Variants in ZNF710 observed in about 807,000 individuals in gnomAD.
The protein encoded by ZNF710 is zinc finger protein 710.
A neutral mutation model predicts 50.6 loss-of-function variants in ZNF710; 13 were observed. The ratio of observed to expected loss-of-function variants is 0.26; its 90% confidence interval spans 0.17 to 0.41. ZNF710 has a LOEUF of 0.41. Ranked by LOEUF, ZNF710 falls within the 10% of genes least tolerant of loss-of-function variation. ZNF710 has a pLI of 1.00. For synonymous variants in ZNF710, 383 were observed against 397.0 expected, an observed-to-expected ratio of 0.96 and a Z score of 0.42; for missense variants, 721 against 936.6, an observed-to-expected ratio of 0.77 and a Z score of 3.01.
chr15:90,024,019 G>A (rs1161948521), intron 1 of ZNF710, among the ~76,000 whole-genome samples: 1 of 151,978 alleles, frequency 6.6e-6, no homozygotes, highest in African/African-American at 2.4e-5. Flanking sequence ...ATGCTTGAAG[G>A]TGGCAACCCA....
At chr15:90,077,671 C>T (rs961384637) in intron 4 of ZNF710, among the ~76,000 whole-genome samples, 10 of 152,192 alleles carry the variant, frequency 6.6e-5, no homozygotes, top group East Asian at 1.9e-4. Flanking sequence ...TTATAAAGTC[C>T]GGAAGACTCA....
rs553009588 is a variant in ZNF710 at position 90,059,485 on chromosome 15, C to T, written c.-28-7625C>T. On this transcript the variant is annotated intron_variant, in intron 1 of 4. Transcript: ENST00000268154. The surrounding 1 kb of genome is among the most constrained non-coding windows in gnomAD (Gnocchi z 4.1). ...ACAGGGCCGGGTATGGTGCGCATCA[C>T]GGGGGTTTGTGGGTTGGTGGCCCTG... Among the ~76,000 whole-genome samples the T allele has an allele frequency of 7.4e-4, 112 of 152,284 alleles. No individual in the cohort carries two copies. The highest frequency in any genetic ancestry group is 2.6e-3 in the African/African-American group (109 of 41,558).
intron 1 of ZNF710, among the ~76,000 whole-genome samples, chr15:90,028,305 G>A (rs185058450): frequency 4.6e-5 from 7 of 152,226 alleles, no homozygotes; most frequent in East Asian, 3.9e-4. Context: ...CAATAGTTCC[G>A]CATACAAATC....
chr15:90,024,884 T>C (rs1323914936), intron 1 of ZNF710: 1 of 152,256 alleles, frequency 6.6e-6, no homozygotes, highest in Non-Finnish European at 1.5e-5. Context: ...AGCAAGGGCC[T>C]GCACCGGGTA....
chr15:90,075,551 C>T (rs1464452700), intron 4 of ZNF710: 2 of 152,100 alleles, frequency 1.3e-5, no homozygotes, highest in Non-Finnish European at 2.9e-5. Context: ...TCTGGTGTGC[C>T]TCTGAGTCAC....
chr15:90,044,597 T>C (rs1367674540), intron 1 of ZNF710, among the ~76,000 whole-genome samples: 3 of 152,230 alleles, frequency 2.0e-5, no homozygotes, highest in Non-Finnish European at 4.4e-5. Flanking sequence ...AAATGTCACC[T>C]GGGAGCTATA....
intron 2 of ZNF710, among the ~76,000 whole-genome samples, chr15:90,071,921 A>G (rs1474197746): frequency 6.6e-6 from 1 of 151,954 alleles, no homozygotes; most frequent in Non-Finnish European, 1.5e-5. Context: ...TGATCTGCCC[A>G]CCTTAGCCTC....
chr15:90,014,154 T>C (rs1898387690), intron 1 of ZNF710, among the ~76,000 whole-genome samples: 1 of 152,012 alleles, frequency 6.6e-6, no homozygotes, highest in African/African-American at 2.4e-5. Context: ...GATCTCAGTA[T>C]CCTTAGCTGT....
At chr15:90,056,739 T>C (rs1899831888) in intron 1 of ZNF710, among the ~76,000 whole-genome samples, 1 of 152,208 alleles carries the variant, frequency 6.6e-6, no homozygotes, top group Non-Finnish European at 1.5e-5. Flanking sequence ...AGGCGGCACA[T>C]TACTCCTGTA....
At chr15:90,047,522 T>C (rs1025354519) in intron 1 of ZNF710, among the ~76,000 whole-genome samples, 1 of 152,210 alleles carries the variant, frequency 6.6e-6, no homozygotes, top group Non-Finnish European at 1.5e-5. Flanking sequence ...ACTAATACTT[T>C]ATCAACCTGG....
intron 1 of ZNF710, among the ~76,000 whole-genome samples, chr15:90,008,426 G>GTGTGTATATATATACATATATATATACA (rs1257714024): frequency 2.4e-5 from 3 of 124,272 alleles, no homozygotes; most frequent in African/African-American, 1.1e-4. Flanking sequence ...GTGTGTGTGT[G>GTGTGTATATATATACATATATATATACA]TATATATATA....
chr15:90,025,232 A>G (rs759351762), intron 1 of ZNF710: 12 of 150,164 alleles, frequency 8.0e-5, no homozygotes, highest in Non-Finnish European at 1.8e-4. Flanking sequence ...AGGCATCAAC[A>G]CTCTTTTGGG....
chr15:90,016,181 G>A (rs1898451134), intron 1 of ZNF710, among the ~76,000 whole-genome samples: 1 of 152,142 alleles, frequency 6.6e-6, no homozygotes, highest in Non-Finnish European at 1.5e-5. Flanking sequence ...AAAAGGATGG[G>A]TAGAAAGAAA....
rs183092587 is a variant in ZNF710 at position 90,072,852 on chromosome 15, A to G, written c.1459-219A>G. 8.9e-4 allele frequency among the ~76,000 whole-genome samples: 136 copies of G among 152,304 alleles called. 1 individual carries two copies. Among genetic ancestry groups the G allele is most frequent in the Admixed American group, 1.5e-3 (23 of 15,310 alleles). ...TTACAGTAAAGCACAGCCTATTTCT[A>G]TTACTGAAAGGCTTCCTGGAGTAAG... On this transcript the variant is annotated intron_variant, in intron 2 of 4. Transcript: ENST00000268154.
intron 1 of ZNF710, among the ~76,000 whole-genome samples, chr15:90,055,404 C>T (rs1225174126): frequency 1.3e-5 from 2 of 152,136 alleles, no homozygotes; most frequent in African/African-American, 4.8e-5. Flanking sequence ...CGTGGCTTCA[C>T]ATGGAGGGAG....
At chr15:90,079,592 C>T (rs2151542891) in intron 4 of ZNF710, 68 bp from the exon 5 acceptor site, 2 of 1,573,272 alleles carry the variant, frequency 1.3e-6, no homozygotes, top group Non-Finnish European at 1.7e-6. Context: ...CCATCAGCTT[C>T]CTGCGTGGGG....
intron 1 of ZNF710, among the ~76,000 whole-genome samples, chr15:90,027,933 A>T (rs1038298488): frequency 2.0e-5 from 3 of 152,160 alleles, no homozygotes; most frequent in African/African-American, 7.2e-5. Flanking sequence ...AGAAAATGCC[A>T]AATGGTGAGC....
chr15:90,019,187 C>CTTTTTTTTTTTTTTTTTTTT (rs11285838), intron 1 of ZNF710, among the ~76,000 whole-genome samples: 553 of 89,408 alleles, frequency 6.2e-3, no homozygotes, highest in East Asian at 0.011. Context: ...CTTTTTCTTT[C>CTTTTTTTTTTTTTTTTTTTT]TTTTTTTTTT....
At chr15:90,008,424 G>GTATATATATATATATATATATATATA (rs1567218324) in intron 1 of ZNF710, among the ~76,000 whole-genome samples, 1 of 126,328 alleles carries the variant, frequency 7.9e-6, no homozygotes, top group African/African-American at 3.8e-5. Context: ...GTGTGTGTGT[G>GTATATATATATATATATATATATATA]TGTATATATA....
Sources: allele counts gnomAD v4.1 joint callset (sites outside exome capture counted in the v4.1 genomes callset), GRCh38; gene constraint gnomAD v4.1.1; non-coding constraint Gnocchi (gnomAD v3.1); transcripts MANE v1.5; gene names NCBI Gene and HGNC (gene_info 2026-07-23, HGNC 2026-07-21).